PTCHD4: variants seen among roughly 807,000 people sequenced by gnomAD.
The protein encoded by PTCHD4 is patched domain containing 4.
A neutral mutation model predicts 58.1 loss-of-function variants in PTCHD4; 33 were observed. The observed-to-expected ratio is 0.57, with a 90% confidence interval of 0.43 to 0.76. The LOEUF is 0.76. Among genes scored for constraint, PTCHD4 ranks in the 30% least tolerant of loss-of-function variants. The pLI is 0.00. For missense variants in PTCHD4, 1,058 were observed against 1,027.1 expected, an observed-to-expected ratio of 1.03 and a Z score of -0.41; for synonymous variants, 478 against 409.6, an observed-to-expected ratio of 1.17 and a Z score of -2.02.
rs1423995487 is a variant in PTCHD4, at chr6:47,877,320, C to G, written c.*983G>C. Among the ~76,000 whole-genome samples, 1 of 152,030 alleles carries G rather than the reference C, an allele frequency of 6.6e-6. No homozygotes were observed. The highest frequency in any genetic ancestry group is 2.4e-5 in the African/African-American group (1 of 41,400). ...ATACACATACTTGTGCACCCTTAGA[C>G]TCATGTATGGATAATCTGTGTAAAG... On this transcript the variant is annotated 3_prime_UTR_variant, in exon 5 of 5. Transcript: ENST00000339488.
At chr6:47,958,401 A>G (rs539680065) in intron 4 of PTCHD4, among the ~76,000 whole-genome samples, 13 of 152,338 alleles carry the variant, frequency 8.5e-5, no homozygotes, top group South Asian at 2.1e-4. Flanking sequence ...TATATGAAAT[A>G]GTGTTTTTCA....
At chr6:48,053,221 G>T (rs1764295126) in intron 3 of PTCHD4, among the ~76,000 whole-genome samples, 1 of 152,008 alleles carries the variant, frequency 6.6e-6, no homozygotes, top group Admixed American at 6.6e-5. Context: ...ATGCAATTTG[G>T]CCGGAGAATG....
intron 4 of PTCHD4, among the ~76,000 whole-genome samples, chr6:47,973,674 A>T (rs2113993551): frequency 6.6e-6 from 1 of 152,280 alleles, no homozygotes; most frequent in Admixed American, 6.5e-5. Flanking sequence ...ATAAGTATGG[A>T]AGTATTTTAG....
chr6:47,983,088 T>C (rs1019492523), intron 4 of PTCHD4, among the ~76,000 whole-genome samples: 1 of 152,172 alleles, frequency 6.6e-6, no homozygotes, highest in Non-Finnish European at 1.5e-5. Flanking sequence ...GGATTACTTA[T>C]GTTGATTACA....
At chr6:47,887,537 A>G (rs1764230194) in intron 4 of PTCHD4, among the ~76,000 whole-genome samples, 1 of 152,158 alleles carries the variant, frequency 6.6e-6, no homozygotes, top group African/African-American at 2.4e-5. Context: ...ATTATACCTA[A>G]TTGGGAAATT....
At chr6:47,934,873 G>A (rs1331253837) in intron 4 of PTCHD4, among the ~76,000 whole-genome samples, 1 of 152,102 alleles carries the variant, frequency 6.6e-6, no homozygotes, top group African/African-American at 2.4e-5. Context: ...TTAAATAAAT[G>A]TTCAAACTTC....
chr6:47,990,545 TA>T (rs1381276271), intron 4 of PTCHD4, among the ~76,000 whole-genome samples: 2 of 152,188 alleles, frequency 1.3e-5, no homozygotes, highest in Non-Finnish European at 2.9e-5. Context: ...CTGATGGTTT[TA>T]TCAGGGGTTT....
chr6:48,109,275 A>T (rs1489830379), intron 1 of PTCHD4, among the ~76,000 whole-genome samples: 1 of 152,162 alleles, frequency 6.6e-6, no homozygotes, highest in Non-Finnish European at 1.5e-5. Context: ...CTACTATAAC[A>T]CCAGTACCAC....
At chr6:48,071,152 C>A (rs148039361) in intron 1 of PTCHD4, among the ~76,000 whole-genome samples, 1 of 152,174 alleles carries the variant, frequency 6.6e-6, no homozygotes, top group African/African-American at 2.4e-5. Flanking sequence ...CATCAGGCAG[C>A]GTACTCTCTT....
intron 1 of PTCHD4, among the ~76,000 whole-genome samples, chr6:48,080,752 G>A (rs375674367): frequency 5.9e-5 from 9 of 152,166 alleles, no homozygotes; most frequent in South Asian, 2.1e-4. Context: ...ATCTTGAGGC[G>A]TGATCTTTGT....
intron 4 of PTCHD4, among the ~76,000 whole-genome samples, chr6:47,883,530 G>T (rs1764086799): frequency 6.6e-6 from 1 of 152,096 alleles, no homozygotes; most frequent in South Asian, 2.1e-4. Context: ...TAAAATGCTA[G>T]ATATTACTAG....
At chr6:47,916,932 A>C (rs1027070546) in intron 4 of PTCHD4, among the ~76,000 whole-genome samples, 1 of 149,086 alleles carries the variant, frequency 6.7e-6, no homozygotes, top group Non-Finnish European at 1.5e-5. Flanking sequence ...TTAATCTTTT[A>C]AAGAAATTCC....
At chr6:47,904,648 G>A (rs1233289625) in intron 4 of PTCHD4, among the ~76,000 whole-genome samples, 1 of 152,214 alleles carries the variant, frequency 6.6e-6, no homozygotes, top group Non-Finnish European at 1.5e-5. Flanking sequence ...AGAAGGTAGA[G>A]AGGATTATTT....
At chr6:47,922,781 C>A (rs568467883) in intron 4 of PTCHD4, among the ~76,000 whole-genome samples, 8 of 152,328 alleles carry the variant, frequency 5.3e-5, no homozygotes, top group Admixed American at 2.0e-4. Context: ...GCTCAGAGCT[C>A]AGTCCCTTGG....
intron 3 of PTCHD4, among the ~76,000 whole-genome samples, chr6:48,036,255 T>C (rs1424752860): frequency 6.6e-6 from 1 of 152,092 alleles, no homozygotes; most frequent in Non-Finnish European, 1.5e-5. Flanking sequence ...AGAGTTGATG[T>C]TACCAAGCCA....
At chr6:47,938,075 C>T (rs1309107636) in intron 4 of PTCHD4, among the ~76,000 whole-genome samples, 2 of 152,134 alleles carry the variant, frequency 1.3e-5, no homozygotes, top group Non-Finnish European at 2.9e-5. Flanking sequence ...ACTGCGTGAA[C>T]CCGGGAGGCA....
At chr6:48,096,622 A>AT in intron 1 of PTCHD4, among the ~76,000 whole-genome samples, 1 of 151,688 alleles carries the variant, frequency 6.6e-6, no homozygotes, top group Non-Finnish European at 1.5e-5. Context: ...AAAAAAAAAA[A>AT]AAAAGAAATA....
At chr6:47,958,908 C>G (rs374748599) in intron 4 of PTCHD4, among the ~76,000 whole-genome samples, 3 of 152,118 alleles carry the variant, frequency 2.0e-5, no homozygotes, top group African/African-American at 7.2e-5. Context: ...GAGCATTGCT[C>G]TGATTTCACT....
At chr6:48,052,930 C>T (rs985522028) in intron 3 of PTCHD4, among the ~76,000 whole-genome samples, 2 of 152,120 alleles carry the variant, frequency 1.3e-5, no homozygotes, top group South Asian at 2.1e-4. Flanking sequence ...CACTGGACTT[C>T]TAATGGAAAA....
Sources: gnomAD v4.1 joint callset for allele counts (sites outside exome capture counted in the v4.1 genomes callset) on GRCh38, gnomAD v4.1.1 for gene constraint, MANE v1.5 for transcripts, NCBI Gene and HGNC (gene_info 2026-07-23, HGNC 2026-07-21) for gene names.